Variants in FHIT observed in about 807,000 individuals in gnomAD.
FHIT encodes the protein bis(5'-adenosyl)-triphosphatase.
A neutral mutation model predicts 17.9 loss-of-function variants in FHIT; 19 were observed. The ratio of observed to expected loss-of-function variants is 1.06; its 90% CI spans 0.74 to 1.56. The LOEUF is 1.56. Among genes scored for constraint, FHIT ranks in the 40% most tolerant of loss-of-function variants. FHIT has a pLI of 0.00. For synonymous variants in FHIT, 81 were observed against 69.7 expected, an observed-to-expected ratio of 1.16 and a Z score of -0.81; for missense variants, 248 against 189.2, an observed-to-expected ratio of 1.31 and a Z score of -1.82.
At chr3:60,466,206 T>C (rs1013343331) in intron 5 of FHIT, among the ~76,000 whole-genome samples, 13 of 152,142 alleles carry the variant, frequency 8.5e-5, no homozygotes, top group African/African-American at 3.1e-4. Flanking sequence ...CATATAAAAA[T>C]GCTACTGATT....
At chr3:60,714,586 T>A (rs1441762684) in intron 4 of FHIT, among the ~76,000 whole-genome samples, 1 of 152,140 alleles carries the variant, frequency 6.6e-6, no homozygotes, top group Non-Finnish European at 1.5e-5. Flanking sequence ...TTCAGCAAAG[T>A]CTCAGGATAC....
At chr3:61,066,341 T>C (rs749082895) in intron 2 of FHIT, among the ~76,000 whole-genome samples, 1 of 152,114 alleles carries the variant, frequency 6.6e-6, no homozygotes, top group Non-Finnish European at 1.5e-5. Flanking sequence ...AGGCCGGGCA[T>C]GGTGGCTCAC....
intron 5 of FHIT, among the ~76,000 whole-genome samples, chr3:60,022,822 T>G (rs1700601028): frequency 6.6e-6 from 1 of 152,124 alleles, no homozygotes; most frequent in Non-Finnish European, 1.5e-5. Context: ...AATAAAAATG[T>G]TTTTTCAAGA....
intron 4 of FHIT, among the ~76,000 whole-genome samples, chr3:60,637,626 T>C (rs1262822901): frequency 6.6e-6 from 1 of 152,222 alleles, no homozygotes; most frequent in African/African-American, 2.4e-5. Flanking sequence ...ACAAGCATTA[T>C]GCTTAGATTA....
At chr3:59,927,291 T>C (rs1705710903) in intron 7 of FHIT, among the ~76,000 whole-genome samples, 1 of 152,184 alleles carries the variant, frequency 6.6e-6, no homozygotes, top group Admixed American at 6.5e-5. Flanking sequence ...TGAAGAGGGA[T>C]GCAGGGTAAC....
chr3:59,750,648 T>TTCTAGAATGCAA, intron 9 of FHIT: 1 of 221,950 alleles, frequency 4.5e-6, no homozygotes, highest in Non-Finnish European at 9.0e-6. Flanking sequence ...GAAATAAGCT[T>TTCTAGAATGCAA]TCTAGAATGC....
chr3:60,077,738 A>T (rs868042614), intron 5 of FHIT, among the ~76,000 whole-genome samples: 4,769 of 122,300 alleles, frequency 0.039, 118 homozygotes, highest in South Asian at 0.065. Context: ...ACATATATAG[A>T]GGGGGGGGGG....
intron 7 of FHIT, among the ~76,000 whole-genome samples, chr3:59,988,205 T>A (rs761417494): frequency 5.9e-5 from 9 of 152,092 alleles, no homozygotes; most frequent in African/African-American, 2.2e-4. Context: ...CCTTCAGTGC[T>A]GAATATTCCA....
At chr3:61,236,553 T>G (rs2040236061) in intron 1 of FHIT, among the ~76,000 whole-genome samples, 1 of 152,126 alleles carries the variant, frequency 6.6e-6, no homozygotes, top group Non-Finnish European at 1.5e-5. Flanking sequence ...TCTACCCAGG[T>G]CACAGAATGT....
chr3:60,854,372 A>C (rs1447251464), intron 3 of FHIT, among the ~76,000 whole-genome samples: 2 of 152,100 alleles, frequency 1.3e-5, no homozygotes, highest in Non-Finnish European at 2.9e-5. Context: ...GATTGCTTTC[A>C]GATGCATTAA....
chr3:61,150,427 T>C (rs2037353610), intron 2 of FHIT, among the ~76,000 whole-genome samples: 1 of 151,976 alleles, frequency 6.6e-6, no homozygotes, highest in African/African-American at 2.4e-5. Flanking sequence ...CACCTCAGCC[T>C]CCCAAAGTGC....
Position 60,396,019 on chromosome 3 carries a change from A to G in FHIT, c.103+140841T>C, listed in dbSNP as rs925009546. ...CCACATCACAGATCACCACACCAAC[A>G]GCTAACACACCAAGCCTTCTACCTA... On this transcript the variant is annotated intron_variant, in intron 5 of 9. Transcript: ENST00000492590. Among the ~76,000 whole-genome samples the G allele has an allele frequency of 3.9e-5, 6 of 152,086 alleles. 1 individual carries two copies. The South Asian group carries it at 8.3e-4, about 21-fold the overall frequency.
At chr3:60,236,352 T>C (rs76457260) in intron 5 of FHIT, among the ~76,000 whole-genome samples, 31 of 150,866 alleles carry the variant, frequency 2.1e-4, no homozygotes, top group African/African-American at 7.6e-4. Context: ...TCAGAAAATG[T>C]TGAATGAAAG....
intron 5 of FHIT, among the ~76,000 whole-genome samples, chr3:60,141,384 TAAAA>T (rs34364126): frequency 1.6e-5 from 2 of 128,104 alleles, no homozygotes; most frequent in Non-Finnish European, 1.7e-5. Context: ...TGATGCCCAT[TAAAA>T]AAAAAAAAAA....
intron 7 of FHIT, among the ~76,000 whole-genome samples, chr3:59,932,650 G>T (rs1338595570): frequency 6.6e-6 from 1 of 151,956 alleles, no homozygotes. Context: ...AAGAAAACAG[G>T]TGTTGAGAGA....
intron 3 of FHIT, among the ~76,000 whole-genome samples, chr3:60,871,644 T>C (rs1389100560): frequency 1.3e-5 from 2 of 152,112 alleles, no homozygotes; most frequent in African/African-American, 4.8e-5. Context: ...ATTTGTTTAT[T>C]TTTTTCTGAA....
At chr3:60,289,930 T>G (rs1707905281) in intron 5 of FHIT, among the ~76,000 whole-genome samples, 1 of 152,214 alleles carries the variant, frequency 6.6e-6, no homozygotes. Flanking sequence ...ACTGTTCATA[T>G]TGTTCCCTCC....
At chr3:60,103,601 C>T (rs1704283185) in intron 5 of FHIT, among the ~76,000 whole-genome samples, 2 of 152,136 alleles carry the variant, frequency 1.3e-5, no homozygotes, top group Admixed American at 6.5e-5. Context: ...AGACACATTG[C>T]AGCACCTAAT....
rs182733373 is a variant in FHIT, at chr3:60,089,929, C to A, written c.104-75777G>T. On this transcript the variant is annotated intron_variant, in intron 5 of 9. Coordinates refer to ENST00000492590, the MANE Select transcript of FHIT (RefSeq NM_002012.4). ...AACCCACTTAGAGATGACAGAATAA[C>A]GAATATATATGAATTAAAATGAATG... Among the ~76,000 whole-genome samples, 226 of 152,174 alleles carry A rather than the reference C, an allele frequency of 1.5e-3. 1 individual carries two copies. The highest frequency in any genetic ancestry group is 4.9e-3 in the African/African-American group (203 of 41,502).
Sources: allele counts gnomAD v4.1 joint callset (sites outside exome capture counted in the v4.1 genomes callset), GRCh38; gene constraint gnomAD v4.1.1; transcripts MANE v1.5; gene names NCBI Gene and HGNC (gene_info 2026-07-23, HGNC 2026-07-21).